The following MORF4L1 variants were observed in gnomAD, a reference collection of about 807,000 sequenced individuals.
The protein encoded by MORF4L1 is mortality factor 4 like 1.
A neutral mutation model predicts 52.9 loss-of-function variants in MORF4L1; 4 were observed. That is an observed-to-expected ratio of 0.08 (90% CI 0.04 to 0.17). MORF4L1 has a LOEUF of 0.17. Among genes scored for constraint, MORF4L1 ranks in the 10% least tolerant of loss-of-function variants. The pLI is 1.00. For synonymous variants in MORF4L1, 123 were observed against 134.8 expected, an observed-to-expected ratio of 0.91 and a Z score of 0.61; for missense variants, 214 against 390.4, an observed-to-expected ratio of 0.55 and a Z score of 3.81.
At chr15:78,885,456 C>G (rs749704692) in intron 3 of MORF4L1, among the ~76,000 whole-genome samples, 5 of 152,180 alleles carry the variant, frequency 3.3e-5, no homozygotes, top group Non-Finnish European at 7.3e-5. Flanking sequence ...ATTTAGAAAG[C>G]CAGCTTTCTG....
At chr15:78,890,204 AAAAT>A (rs553403269) in intron 5 of MORF4L1, among the ~76,000 whole-genome samples, 7 of 151,918 alleles carry the variant, frequency 4.6e-5, no homozygotes, top group South Asian at 4.1e-4. Flanking sequence ...ACTCCATCTC[AAAAT>A]AAATAAATAA....
chr15:78,881,145 C>T (rs975494441), intron 3 of MORF4L1, among the ~76,000 whole-genome samples: 1 of 136,422 alleles, frequency 7.3e-6, no homozygotes, highest in East Asian at 2.4e-4. Context: ...AACACAGAAA[C>T]ATTCAATTAT....
At chr15:78,885,720 G>T (rs1167061832) in intron 3 of MORF4L1, among the ~76,000 whole-genome samples, 1 of 152,148 alleles carries the variant, frequency 6.6e-6, no homozygotes, top group Non-Finnish European at 1.5e-5. Flanking sequence ...AGAATGAAAT[G>T]AAAACACAAA....
Position 78,893,520 on chromosome 15 carries a change from C to T in MORF4L1, c.541-19C>T, listed in dbSNP as rs2056835193. 2.0e-6 allele frequency: 3 copies of T among 1,524,892 alleles called. No individual in the cohort carries two copies. Among genetic ancestry groups the T allele is most frequent in the Non-Finnish European group, 2.7e-6 (3 of 1,100,602 alleles). 94.5% of individuals were successfully genotyped at this position (1,524,892 alleles called of 1,614,324 possible). A position where few individuals can be genotyped will look rare whatever the true frequency, so the allele number is the denominator to read the frequency against. The stretch of plus-strand genomic sequence containing the variant: ...AAAAAAGAGAGTGCTTATATTTAAG[C>T]ATATTTTTGTCTTCATAGCTCTTTT... On this transcript the variant is annotated intron_variant, in intron 8 of 11. Transcript: ENST00000426013.
intron 9 of MORF4L1, among the ~76,000 whole-genome samples, chr15:78,893,857 T>TA (rs150566625): frequency 0.029 from 4,409 of 152,332 alleles, 245 homozygotes; most frequent in African/African-American, 0.1. Flanking sequence ...CATAACCATT[T>TA]AAAATTTAAC....
intron 7 of MORF4L1, 26 bp downstream of exon 7, chr15:78,891,598 AG>A (rs2056803274): frequency 6.5e-7 from 1 of 1,547,798 alleles, no homozygotes; most frequent in East Asian, 2.2e-5. Context: ...GTTTATGAAT[AG>A]CATGTTAGGA....
chr15:78,874,248 T>G (rs2056434713), intron 1 of MORF4L1, among the ~76,000 whole-genome samples: 1 of 152,246 alleles, frequency 6.6e-6, no homozygotes. Context: ...GCGTACGATT[T>G]TTGTTCTAGG....
Position 78,893,140 on chromosome 15 carries a change from C to A in MORF4L1, c.541-399C>A, listed in dbSNP as rs553389721. On this transcript the variant is annotated intron_variant, in intron 8 of 11. Transcript: ENST00000426013. ...TTTTAATGCTTTAGACTAGATCTAG[C>A]AAATAGTATGCATAACAGTAAATGA... The A allele has an allele frequency of 1.8e-4, 29 of 157,872 alleles. 1 individual carries two copies. The highest frequency in any genetic ancestry group is 1.3e-3 in the Admixed American group (21 of 16,058). 9.8% of individuals were successfully genotyped at this position (157,872 alleles called of 1,614,324 possible).
At position 78,897,220 on chromosome 15, in the gene MORF4L1, G is replaced by T. The variant is rs2056906274; in HGVS notation, c.*153G>T. 8 of 554,652 alleles carry T rather than the reference G, an allele frequency of 1.4e-5. No individual in the cohort carries two copies. The highest frequency in any genetic ancestry group is 5.5e-5 in the South Asian group (2 of 36,488). The allele number at this position is 554,652 out of a possible 1,614,324, so 34.4% of individuals were successfully genotyped here. On this transcript the variant is annotated 3_prime_UTR_variant, in exon 12 of 12. Coordinates refer to ENST00000426013, the MANE Select transcript of MORF4L1 (RefSeq NM_006791.4). ...TTTAAACAGAGAAAAAATAAAAGGG[G>T]GTAATAGCTCCTTTTTTCTTCTTTC...
At chr15:78,883,411 A>G (rs1056877224) in intron 3 of MORF4L1, among the ~76,000 whole-genome samples, 1 of 152,256 alleles carries the variant, frequency 6.6e-6, no homozygotes, top group Non-Finnish European at 1.5e-5. Context: ...ATAGATGTGT[A>G]CAGCGCAAAG....
chr15:78,886,247 T>C lies in MORF4L1; in HGVS notation c.242+20T>C. Reference sequence around the variant, plus strand: ...CAATCAGTAAGTTTGTTTTGTGAACTGAATATTAAGGAGAAATGCCTGTAG... The same window carrying C: ...CAATCAGTAAGTTTGTTTTGTGAACCGAATATTAAGGAGAAATGCCTGTAG... On this transcript the variant is annotated intron_variant, in intron 4 of 11. Coordinates refer to ENST00000426013, the MANE Select transcript of MORF4L1 (RefSeq NM_006791.4). 2 of 1,585,684 alleles carry C rather than the reference T, an allele frequency of 1.3e-6. No individual in the cohort carries two copies. The highest frequency in any genetic ancestry group is 1.7e-6 in the Non-Finnish European group (2 of 1,154,010).
intron 4 of MORF4L1, among the ~76,000 whole-genome samples, chr15:78,886,850 G>C (rs2056713538): frequency 6.6e-6 from 1 of 151,926 alleles, no homozygotes; most frequent in Non-Finnish European, 1.5e-5. Flanking sequence ...AGCTACTCCG[G>C]AGGCTGAGGC....
At position 78,884,695 on chromosome 15, in the gene MORF4L1, C is replaced by A. The variant is rs998900248; in HGVS notation, c.156-1446C>A. Among the ~76,000 whole-genome samples the A allele has an allele frequency of 1.2e-4, 18 of 147,870 alleles. No homozygotes were observed. The East Asian group carries it at 2.6e-3, about 21-fold the overall frequency. The stretch of plus-strand genomic sequence containing the variant: ...CACACACACACACACACAAATATCT[C>A]AAAAATAATCTCATTTTGAAAATGG... On this transcript the variant is annotated intron_variant, in intron 3 of 11. Transcript: ENST00000426013.
chr15:78,880,809 T>C (rs2056587622), intron 3 of MORF4L1, among the ~76,000 whole-genome samples: 2 of 152,048 alleles, frequency 1.3e-5, no homozygotes, highest in Admixed American at 1.3e-4. Context: ...TCTAGTGTAA[T>C]ATCTATTAGT....
At chr15:78,892,134 C>G (rs2141482372) in intron 7 of MORF4L1, 78 bp from the exon 8 acceptor site, 1 of 978,438 alleles carries the variant, frequency 1.0e-6, no homozygotes. Context: ...CCTAGTGCCT[C>G]TAAAAGTCAG....
At chr15:78,884,428 C>T (rs2056658885) in intron 3 of MORF4L1, among the ~76,000 whole-genome samples, 1 of 151,860 alleles carries the variant, frequency 6.6e-6, no homozygotes, top group Admixed American at 6.6e-5. Flanking sequence ...TCACCTGAGG[C>T]TAGGAGTTCG....
rs909929319 is a variant in MORF4L1, at chr15:78,887,211, A to AT, written c.243-49dup. On this transcript the variant is annotated intron_variant, in intron 4 of 11. Transcript: ENST00000426013. ...AATTCCTAATGGAATCAGGCTGACA[A>AT]TTTTTTTTTCACATAAATGCTCATT... is the stretch of plus-strand genomic sequence containing the variant. 1,223 of 1,411,068 alleles carry AT rather than the reference A, an allele frequency of 8.7e-4. 3 individuals carry two copies. Among genetic ancestry groups the AT allele is most frequent in the South Asian group, 1.9e-3 (142 of 76,620 alleles). 87.4% of individuals were successfully genotyped at this position (1,411,068 alleles called of 1,614,324 possible).
intron 2 of MORF4L1, among the ~76,000 whole-genome samples, chr15:78,879,225 G>A (rs1004222675): frequency 6.7e-6 from 1 of 149,984 alleles, no homozygotes; most frequent in Admixed American, 6.6e-5. Flanking sequence ...TATGCTCCCC[G>A]CCCCGCCCCG....
chr15:78,894,687 C>G, intron 10 of MORF4L1, 133 bp from the exon 11 acceptor site: 2 of 707,496 alleles, frequency 2.8e-6, no homozygotes, highest in Non-Finnish European at 4.9e-6. Context: ...GGATTACAGG[C>G]GTGAGCCACT....
Sources: allele counts gnomAD v4.1 joint callset (sites outside exome capture counted in the v4.1 genomes callset), GRCh38; gene constraint gnomAD v4.1.1; transcripts MANE v1.5; gene names NCBI Gene and HGNC (gene_info 2026-07-23, HGNC 2026-07-21).